RBBP8: variants seen among roughly 807,000 people sequenced by gnomAD.
RBBP8 encodes the protein RB binding protein 8, endonuclease, also known as DNA endonuclease RBBP8.
Under a neutral mutation model 108.3 loss-of-function variants are expected in RBBP8, and 88 were observed. The ratio of observed to expected loss-of-function variants is 0.81; its 90% CI spans 0.68 to 0.97. The LOEUF is 0.97. Ranked by LOEUF, RBBP8 falls within the 50% of genes least tolerant of loss-of-function variation. RBBP8 has a pLI of 0.00. For synonymous variants in RBBP8, 332 were observed against 348.2 expected, an observed-to-expected ratio of 0.95 and a Z score of 0.52; for missense variants, 1,023 against 1,049.0, an observed-to-expected ratio of 0.98 and a Z score of 0.34.
At chr18:22,996,305 T>C in intron 12 of RBBP8, 69 bp from the exon 13 acceptor site, 1 of 1,590,478 alleles carries the variant, frequency 6.3e-7, no homozygotes, top group Non-Finnish European at 8.6e-7. Flanking sequence ...TTAGGTCCCA[T>C]AATATTTTAA....
intron 17 of RBBP8, among the ~76,000 whole-genome samples, chr18:23,017,513 G>A (rs1441185996): frequency 4.6e-5 from 7 of 151,032 alleles, no homozygotes; most frequent in East Asian, 2.0e-4. Context: ...AAAAAGCCAG[G>A]CATGGTGGCG....
chr18:22,966,706 A>C (rs1313558484), intron 4 of RBBP8, among the ~76,000 whole-genome samples: 1 of 149,548 alleles, frequency 6.7e-6, no homozygotes, highest in African/African-American at 2.5e-5. Flanking sequence ...ACAGACACTT[A>C]AATACTTACT....
chr18:23,007,125 A>G (rs1327278359), intron 16 of RBBP8, among the ~76,000 whole-genome samples: 2 of 146,720 alleles, frequency 1.4e-5, no homozygotes, highest in African/African-American at 5.0e-5. Context: ...GGTTCAAGTT[A>G]TTCTCCTGCC....
chr18:22,923,404 C>T (rs1239577553), intron 3 of RBBP8, among the ~76,000 whole-genome samples: 1 of 152,206 alleles, frequency 6.6e-6, no homozygotes, highest in South Asian at 2.1e-4. Flanking sequence ...CACAGTATAG[C>T]CTTTGCACAT....
intron 9 of RBBP8, among the ~76,000 whole-genome samples, chr18:22,989,586 C>T (rs1457567873): frequency 1.3e-5 from 2 of 151,012 alleles, no homozygotes; most frequent in African/African-American, 2.4e-5. Flanking sequence ...TTCCCTTCCC[C>T]CTCTCTCATG....
chr18:22,992,074 A>G (rs1012169400), intron 10 of RBBP8, among the ~76,000 whole-genome samples: 1 of 152,226 alleles, frequency 6.6e-6, no homozygotes, highest in Non-Finnish European at 1.5e-5. Context: ...CTTTCTACGC[A>G]TATTTCCTCT....
chr18:22,926,518 T>C (rs972442003), intron 3 of RBBP8, among the ~76,000 whole-genome samples: 5 of 152,236 alleles, frequency 3.3e-5, no homozygotes, highest in Non-Finnish European at 5.9e-5. Flanking sequence ...TGGGCAACTA[T>C]GAATATACTG....
chr18:22,995,101 G>GT (rs1350901233), intron 12 of RBBP8, among the ~76,000 whole-genome samples: 1 of 151,688 alleles, frequency 6.6e-6, no homozygotes, highest in Non-Finnish European at 1.5e-5. Flanking sequence ...ATTTTTTCTT[G>GT]TATTCTTCAT....
At chr18:22,943,623 A>G (rs1256451187) in intron 2 of RBBP8, among the ~76,000 whole-genome samples, 2 of 152,212 alleles carry the variant, frequency 1.3e-5, no homozygotes, top group Non-Finnish European at 2.9e-5. Flanking sequence ...AGGCAATTAT[A>G]GAAATGCTAG....
intron 16 of RBBP8, among the ~76,000 whole-genome samples, chr18:23,008,965 G>A (rs2046109020): frequency 6.6e-6 from 1 of 151,880 alleles, no homozygotes; most frequent in Non-Finnish European, 1.5e-5. Flanking sequence ...AGTAGAGACA[G>A]GGTTTCACCG....
intron 14 of RBBP8, among the ~76,000 whole-genome samples, chr18:23,000,603 A>G (rs556308633): frequency 1.8e-4 from 28 of 151,928 alleles, no homozygotes; most frequent in South Asian, 4.2e-4. Flanking sequence ...TTAGCCGGGT[A>G]TGGTGGCGCA....
At position 22,980,141 on chromosome 18, in the gene RBBP8, G is replaced by T. The variant is rs1914797000; in HGVS notation, c.429-2077G>T. ...CACGCTTGTAATCCCACCTACTCAG[G>T]AGGCTGAGGCACTAGAATCACTACA... On this transcript the variant is annotated intron_variant, in intron 6 of 18. Transcript: ENST00000327155. Among the ~76,000 whole-genome samples, 2 of 152,022 alleles carry T rather than the reference G, an allele frequency of 1.3e-5. 1 individual carries two copies. The highest frequency in any genetic ancestry group is 4.1e-4 in the South Asian group (2 of 4,822).
chr18:22,996,515 T>C (rs2045861954), intron 13 of RBBP8, 53 bp downstream of exon 13: 2 of 1,597,622 alleles, frequency 1.3e-6, no homozygotes, highest in Admixed American at 3.4e-5. Context: ...CAATGAGTTG[T>C]TAGTCAACCT....
intron 3 of RBBP8, among the ~76,000 whole-genome samples, chr18:22,917,931 G>C (rs1185196415): frequency 6.7e-6 from 1 of 149,518 alleles, no homozygotes; most frequent in African/African-American, 2.5e-5. Context: ...CTGGGAGGCA[G>C]AGGTTGCAGT....
intron 2 of RBBP8, among the ~76,000 whole-genome samples, chr18:22,915,763 G>A (rs1223724603): frequency 2.0e-5 from 3 of 151,748 alleles, no homozygotes; most frequent in Non-Finnish European, 2.9e-5. Flanking sequence ...TAAAACATAG[G>A]GCTTACTGTT....
At chr18:22,945,684 G>A (rs144551245) in intron 2 of RBBP8, among the ~76,000 whole-genome samples, 2,191 of 152,132 alleles carry the variant, frequency 0.014, 215 homozygotes, top group Admixed American at 0.13. Flanking sequence ...GTGCCCAGCC[G>A]ATTAAATAAC....
At chr18:22,921,415 T>C (rs1348472445) in intron 3 of RBBP8, among the ~76,000 whole-genome samples, 2 of 152,206 alleles carry the variant, frequency 1.3e-5, no homozygotes, top group Non-Finnish European at 2.9e-5. Context: ...CACTTTCAAG[T>C]TGCATACTTG....
At chr18:23,007,208 A>G (rs139294035) in intron 16 of RBBP8, among the ~76,000 whole-genome samples, 1,835 of 151,054 alleles carry the variant, frequency 0.012, 18 homozygotes, top group Non-Finnish European at 0.019. Flanking sequence ...TTTATTAGAG[A>G]TGGGATTTCA....
At chr18:22,958,867 C>CT (rs1272658010) in intron 4 of RBBP8, among the ~76,000 whole-genome samples, 1 of 152,146 alleles carries the variant, frequency 6.6e-6, no homozygotes. Context: ...AGAAATATTT[C>CT]TTGGGCTAAA....
Sources: allele counts gnomAD v4.1 joint callset (sites outside exome capture counted in the v4.1 genomes callset), GRCh38; gene constraint gnomAD v4.1.1; transcripts MANE v1.5; gene names NCBI Gene and HGNC (gene_info 2026-07-23, HGNC 2026-07-21).